Variants in NBEA observed in about 807,000 individuals in gnomAD.
NBEA encodes lysosomal-trafficking regulator 2.
Under a neutral mutation model 343.4 loss-of-function variants are expected in NBEA, and 44 were observed. The ratio of observed to expected loss-of-function variants is 0.13; its 90% CI spans 0.10 to 0.16. NBEA has a LOEUF of 0.16. Ranked by LOEUF, NBEA falls within the 10% of genes least tolerant of loss-of-function variation. NBEA has a pLI of 1.00. For synonymous variants in NBEA, 1,175 were observed against 1,238.7 expected, an observed-to-expected ratio of 0.95 and a Z score of 1.08; for missense variants, 2,555 against 3,631.3, an observed-to-expected ratio of 0.70 and a Z score of 7.62.
At chr13:35,417,080 A>G (rs1052835938) in intron 38 of NBEA, among the ~76,000 whole-genome samples, 1 of 152,014 alleles carries the variant, frequency 6.6e-6, no homozygotes, top group African/African-American at 2.4e-5. Flanking sequence ...AACGGTGGTG[A>G]TGTCCCCTTT....
In NBEA at chr13:35,648,804, G is replaced by A. The variant is rs916731864; in HGVS notation, c.7771-851G>A. ...GTTGACAAAACAGACGCTAAAAACA[G>A]AAAGAAGAAAACACATGGACACGTG... On this transcript the variant is annotated intron_variant, in intron 51 of 58. Transcript: ENST00000379939. Among the ~76,000 whole-genome samples, 3 of 124,106 alleles carry A rather than the reference G, an allele frequency of 2.4e-5. No homozygotes were observed. The South Asian group carries it at 7.7e-4, about 32-fold the overall frequency. 81.4% of individuals were successfully genotyped at this position (124,106 alleles called of 152,430 possible). A position where few individuals can be genotyped will look rare whatever the true frequency, so the allele number is the denominator to read the frequency against.
rs535908406 is a variant in NBEA, at chr13:35,045,213, C to G, written c.628-93C>G. ...AATGATTTAAAATTAATTTTTCTCT[C>G]TAGTTAGAAAACAGTCCAATGGGTA... is the stretch of plus-strand genomic sequence containing the variant. On this transcript the variant is annotated intron_variant, in intron 3 of 58. Transcript: ENST00000379939. 66 of 1,225,028 alleles carry G rather than the reference C, an allele frequency of 5.4e-5. 1 individual carries two copies. In the South Asian group the frequency reaches 9.3e-4, roughly 17 times the overall value. 75.9% of individuals were successfully genotyped at this position (1,225,028 alleles called of 1,614,324 possible). A position where few individuals can be genotyped will look rare whatever the true frequency, so the allele number is the denominator to read the frequency against.
At chr13:35,602,684 T>C (rs1379032980) in intron 47 of NBEA, among the ~76,000 whole-genome samples, 1 of 152,218 alleles carries the variant, frequency 6.6e-6, no homozygotes, top group East Asian at 1.9e-4. Flanking sequence ...TGACCACATT[T>C]GGGTGGCCTG....
intron 30 of NBEA, among the ~76,000 whole-genome samples, chr13:35,187,524 T>TA (rs1388146471): frequency 6.6e-6 from 1 of 151,100 alleles, no homozygotes; most frequent in Non-Finnish European, 1.5e-5. Context: ...TTTTTCTTCC[T>TA]AAAATTCTCA....
intron 41 of NBEA, among the ~76,000 whole-genome samples, chr13:35,492,195 GA>G (rs2076526520): frequency 1.3e-5 from 2 of 151,950 alleles, no homozygotes; most frequent in Non-Finnish European, 2.9e-5. Context: ...AACTCAGGGG[GA>G]AAGGGTCAGA....
At chr13:35,363,132 G>C (rs950114410) in intron 38 of NBEA, among the ~76,000 whole-genome samples, 4 of 151,842 alleles carry the variant, frequency 2.6e-5, no homozygotes, top group African/African-American at 9.7e-5. Flanking sequence ...TTTGCTCCTA[G>C]CCCCTCCATG....
rs576852980 is a variant in NBEA at position 35,398,489 on chromosome 13, T to C, written c.6180-33780T>C. On this transcript the variant is annotated intron_variant, in intron 38 of 58. Coordinates refer to ENST00000379939, the MANE Select transcript of NBEA (RefSeq NM_001385012.1). ...TTTCTTAAATAACAAAATTGAAAGTTGAAATAACTCCTTGATGCATGGGCT... is the reference window on the plus strand; with the variant it reads ...TTTCTTAAATAACAAAATTGAAAGTCGAAATAACTCCTTGATGCATGGGCT... Among the ~76,000 whole-genome samples the C allele has an allele frequency of 4.6e-5, 7 of 152,240 alleles. No homozygotes were observed. In the South Asian group the frequency reaches 1.4e-3, roughly 32 times the overall value.
rs1566073917 is a variant in NBEA at position 34,942,873 on chromosome 13, G to C, written c.53G>C (p.Gly18Ala). 1 of 1,421,740 alleles carries C rather than the reference G, an allele frequency of 7.0e-7. No homozygotes were observed. The highest frequency in any genetic ancestry group is 2.8e-5 in the East Asian group (1 of 35,968). 88.1% of individuals were successfully genotyped at this position (1,421,740 alleles called of 1,614,324 possible). The change falls in exon 1 of 59, where the codon GGG becomes GCG. Residue 18 changes from glycine (G) to alanine (A), a missense_variant. Gly to Ala is a moderately conservative substitution (Grantham distance 60). Transcript: ENST00000379939. ...CCGGGGCTCGAGCCTCAGCCCGTGG[G>C]GCTCATTGCCGTCGGGGCCGCTGGC... is the stretch of plus-strand genomic sequence containing the variant. ...PGPGLEPQPV[G>A]LIAVGAAGGG...
At chr13:35,488,209 A>G (rs1002250422) in intron 41 of NBEA, among the ~76,000 whole-genome samples, 4 of 152,070 alleles carry the variant, frequency 2.6e-5, no homozygotes, top group African/African-American at 4.8e-5. Flanking sequence ...TAAGCTACAC[A>G]TAGAATATTC....
At chr13:35,515,156 A>G (rs2077434406) in intron 41 of NBEA, among the ~76,000 whole-genome samples, 1 of 152,208 alleles carries the variant, frequency 6.6e-6, no homozygotes, top group Non-Finnish European at 1.5e-5. Flanking sequence ...CGAGAATAAC[A>G]GGGATAAAAG....
intron 49 of NBEA, among the ~76,000 whole-genome samples, chr13:35,636,458 C>A (rs1235881122): frequency 6.6e-6 from 1 of 152,108 alleles, no homozygotes. Flanking sequence ...AATATTTATA[C>A]CAGCACCTGG....
In NBEA at chr13:35,280,139, T is replaced by G. The variant is rs796247581; in HGVS notation, c.5777-10250T>G. Among the ~76,000 whole-genome samples, 62 of 152,316 alleles carry G rather than the reference T, an allele frequency of 4.1e-4. 1 individual carries two copies. Among genetic ancestry groups the G allele is most frequent in the African/African-American group, 1.4e-3 (59 of 41,594 alleles). ...TTGTTCTCTCTGTACTCAGTAGGAT[T>G]GTTCTAATTACACAAAGTCCAACCA... On this transcript the variant is annotated intron_variant, in intron 34 of 58. Coordinates refer to ENST00000379939, the MANE Select transcript of NBEA (RefSeq NM_001385012.1).
In NBEA at chr13:35,356,742, A is replaced by G. The variant is rs946300491; in HGVS notation, c.6179+4419A>G. ...CGTCTGACCTCACATCCTGCCATGC[A>G]TCTTCTCAGCCCATGGCTCACTCCA... On this transcript the variant is annotated intron_variant, in intron 38 of 58. Transcript: ENST00000379939. 5.3e-5 allele frequency among the ~76,000 whole-genome samples: 8 copies of G among 152,158 alleles called. No homozygotes were observed. The East Asian group carries it at 1.4e-3, about 26-fold the overall frequency.
At chr13:35,020,051 T>C (rs1295129504) in intron 1 of NBEA, among the ~76,000 whole-genome samples, 3 of 152,136 alleles carry the variant, frequency 2.0e-5, no homozygotes, top group African/African-American at 4.8e-5. Context: ...CTTTGACTTA[T>C]TTTGAGTATA....
intron 6 of NBEA, among the ~76,000 whole-genome samples, chr13:35,051,134 A>G (rs563248523): frequency 1.7e-4 from 26 of 151,994 alleles, no homozygotes; most frequent in Non-Finnish European, 2.9e-4. Context: ...GAAAATCCAG[A>G]TGAAAGAAAA....
At chr13:35,658,935 T>G (rs1489797312) in intron 55 of NBEA, among the ~76,000 whole-genome samples, 1 of 152,200 alleles carries the variant, frequency 6.6e-6, no homozygotes, top group Non-Finnish European at 1.5e-5. Context: ...GCCATATCAG[T>G]GCCCTGCCTG....
intron 40 of NBEA, among the ~76,000 whole-genome samples, chr13:35,469,715 A>C (rs1329209604): frequency 2.0e-5 from 3 of 152,226 alleles, no homozygotes; most frequent in Non-Finnish European, 4.4e-5. Context: ...AACTCACTAC[A>C]CCAAGCAAAG....
chr13:35,651,949 T>G, intron 53 of NBEA, 73 bp downstream of exon 53: 1 of 852,456 alleles, frequency 1.2e-6, no homozygotes, highest in South Asian at 1.6e-5. Context: ...TTTCATAAGA[T>G]AGTTGAACAA....
In NBEA at chr13:35,618,191, T is replaced by TA. The variant is rs149665400; in HGVS notation, c.7450-9884dup. On this transcript the variant is annotated intron_variant, in intron 48 of 58. Coordinates refer to ENST00000379939, the MANE Select transcript of NBEA (RefSeq NM_001385012.1). ...TCCAAAGAGATGACATTCACAGTGG[T>TA]AAAAAACCTCCATTTCTTTGTATGG... 3.8e-3 allele frequency among the ~76,000 whole-genome samples: 583 copies of TA among 152,308 alleles called. 5 individuals carry two copies. Among genetic ancestry groups the TA allele is most frequent in the African/African-American group, 0.014 (564 of 41,574 alleles).
Sources: allele counts gnomAD v4.1 joint callset (sites outside exome capture counted in the v4.1 genomes callset), GRCh38; gene constraint gnomAD v4.1.1; transcripts MANE v1.5; gene names NCBI Gene and HGNC (gene_info 2026-07-23, HGNC 2026-07-21).